Variants in ST7 observed in about 807,000 individuals in gnomAD.
The protein encoded by ST7 is suppressor of tumorigenicity 7 protein.
ST7 carries 28 observed loss-of-function variants against 78.7 expected under a neutral mutation model. The observed-to-expected ratio is 0.36, with a 90% CI of 0.26 to 0.49. ST7 has a LOEUF of 0.49. Among genes scored for constraint, ST7 ranks in the 20% least tolerant of loss-of-function variants. ST7 has a pLI of 0.99. For synonymous variants in ST7, 247 were observed against 249.6 expected (o/e 0.99, Z 0.10); for missense variants, 418 against 696.0 (o/e 0.60, Z 4.49).
At chr7:117,088,180 A>T (rs1052183509) in intron 1 of ST7, among the ~76,000 whole-genome samples, 2 of 152,152 alleles carry the variant, frequency 1.3e-5, no homozygotes, top group African/African-American at 4.8e-5. Flanking sequence ...AGGACATCCC[A>T]TTCATTAACC....
intron 1 of ST7, among the ~76,000 whole-genome samples, chr7:117,024,166 A>G (rs1407100588): frequency 6.6e-6 from 1 of 152,134 alleles, no homozygotes; most frequent in Non-Finnish European, 1.5e-5. Flanking sequence ...AAATTAAACA[A>G]TTTTTCTCTT....
intron 1 of ST7, among the ~76,000 whole-genome samples, chr7:117,073,526 TC>T (rs1799127100): frequency 6.6e-6 from 1 of 152,212 alleles, no homozygotes; most frequent in African/African-American, 2.4e-5. Flanking sequence ...TCTCTGGTAC[TC>T]CTGAAAAGAG....
At chr7:117,089,967 G>A (rs1180142852) in intron 1 of ST7, among the ~76,000 whole-genome samples, 1 of 152,150 alleles carries the variant, frequency 6.6e-6, no homozygotes, top group Non-Finnish European at 1.5e-5. Flanking sequence ...ATTGAAATAT[G>A]TTCTGGCCAT....
rs397970060 is a variant in ST7 at position 117,002,813 on chromosome 7, CTTTTTTTTTT to C, written c.151+49139_151+49148del. 6.8e-3 allele frequency among the ~76,000 whole-genome samples: 492 copies of C among 72,168 alleles called. 2 individuals are homozygous for C. The Middle Eastern group carries it at 0.094, about 14-fold the overall frequency. The allele number at this position is 72,168 out of a possible 152,430, so 47.3% of individuals were successfully genotyped here. A position where few individuals can be genotyped will look rare whatever the true frequency, so the allele number is the denominator to read the frequency against. On this transcript the variant is annotated intron_variant, in intron 1 of 15. Transcript: ENST00000323984. ...AGATGCATCTACTGAATTTTTTTTC[CTTTTTTTTTT>C]TTTTTTTTTTTTTTTTGAGATGGAG...
At chr7:117,101,673 C>T (rs1481035254) in intron 2 of ST7, among the ~76,000 whole-genome samples, 2 of 152,130 alleles carry the variant, frequency 1.3e-5, no homozygotes, top group Non-Finnish European at 2.9e-5. Context: ...ACAGTTCACG[C>T]CAAGGACTGT....
intron 1 of ST7, among the ~76,000 whole-genome samples, chr7:117,092,583 A>G (rs1800718382): frequency 6.6e-6 from 1 of 152,182 alleles, no homozygotes; most frequent in South Asian, 2.1e-4. Flanking sequence ...AGGAAGGAAG[A>G]GAGAAGTTAG....
At chr7:117,211,941 CACAGTATGGCCAGGT>C (rs1002960724) in intron 13 of ST7, among the ~76,000 whole-genome samples, 9 of 152,108 alleles carry the variant, frequency 5.9e-5, no homozygotes, top group African/African-American at 2.2e-4. Flanking sequence ...TCAGGCATAA[CACAGTATGGCCAGGT>C]ACCTATAGGA....
chr7:117,081,666 A>G (rs1335422014), intron 1 of ST7, among the ~76,000 whole-genome samples: 1 of 152,218 alleles, frequency 6.6e-6, no homozygotes, highest in African/African-American at 2.4e-5. Context: ...GTTTTGCCAG[A>G]GTGAATGAGG....
intron 9 of ST7, among the ~76,000 whole-genome samples, chr7:117,143,429 C>T (rs79912864): frequency 3.7e-4 from 57 of 152,236 alleles, no homozygotes; most frequent in Admixed American, 7.2e-4. Flanking sequence ...AATCTCTTTG[C>T]GGGATTTTCC....
chr7:117,107,950 T>C (rs1802114183), intron 2 of ST7, among the ~76,000 whole-genome samples: 1 of 152,118 alleles, frequency 6.6e-6, no homozygotes, highest in Non-Finnish European at 1.5e-5. Context: ...TTTTCTTTCT[T>C]GCTGATTTAT....
chr7:117,122,583 C>T (rs955198055), intron 3 of ST7, among the ~76,000 whole-genome samples: 4 of 152,056 alleles, frequency 2.6e-5, no homozygotes, highest in Admixed American at 6.6e-5. Context: ...TCTATATTTC[C>T]ATTCATTTCT....
chr7:116,959,028 G>A, intron 1 of ST7: 1 of 376,962 alleles, frequency 2.7e-6, no homozygotes, highest in Non-Finnish European at 5.2e-6. Flanking sequence ...TCTGTATCAT[G>A]TGATGCTGTC....
At chr7:117,115,194 A>G (rs1180234106) in intron 2 of ST7, among the ~76,000 whole-genome samples, 2 of 151,962 alleles carry the variant, frequency 1.3e-5, no homozygotes, top group African/African-American at 4.8e-5. Flanking sequence ...CTGCACCTCC[A>G]CTGAGATCAG....
At chr7:117,052,175 C>T (rs75992775) in intron 1 of ST7, among the ~76,000 whole-genome samples, 1 of 152,048 alleles carries the variant, frequency 6.6e-6, no homozygotes, top group Non-Finnish European at 1.5e-5. Context: ...AAAAAAAAAA[C>T]TCCATCACTT....
intron 1 of ST7, among the ~76,000 whole-genome samples, chr7:116,964,980 G>A (rs2116199926): frequency 6.6e-6 from 1 of 152,244 alleles, no homozygotes; most frequent in African/African-American, 2.4e-5. Flanking sequence ...AAGCACAGAA[G>A]TCATGGCAAC....
At chr7:117,166,407 A>G (rs1391673903) in intron 9 of ST7, among the ~76,000 whole-genome samples, 1 of 151,844 alleles carries the variant, frequency 6.6e-6, no homozygotes, top group Non-Finnish European at 1.5e-5. Flanking sequence ...ATAGTTTATT[A>G]TACTTAAATA....
Position 117,138,647 on chromosome 7 carries a change from C to A in ST7, c.963+115C>A, listed in dbSNP as rs543414764. The A allele has an allele frequency of 5.5e-5, 38 of 686,486 alleles. No individual in the cohort carries two copies. In the East Asian group the frequency reaches 8.4e-4, roughly 15 times the overall value. 42.5% of individuals were successfully genotyped at this position (686,486 alleles called of 1,614,324 possible). A position where few individuals can be genotyped will look rare whatever the true frequency, so the allele number is the denominator to read the frequency against. The stretch of plus-strand genomic sequence containing the variant: ...TGGTCCCATGGGTTCTGGAGCCAGA[C>A]TGTGTGGGGTTCAACTCTAGTTCCC... On this transcript the variant is annotated intron_variant, in intron 9 of 15. Transcript: ENST00000323984.
chr7:117,126,905 G>A (rs1803899055), intron 3 of ST7, among the ~76,000 whole-genome samples: 1 of 151,880 alleles, frequency 6.6e-6, no homozygotes, highest in African/African-American at 2.4e-5. Flanking sequence ...AATATTTGCT[G>A]CTGCCCTTTT....
At chr7:117,142,480 T>TG (rs917069498) in intron 9 of ST7, among the ~76,000 whole-genome samples, 22 of 145,296 alleles carry the variant, frequency 1.5e-4, no homozygotes, top group African/African-American at 5.7e-4. Flanking sequence ...TCCCCAGTTG[T>TG]GAAAAAAAAA....
Sources: allele counts gnomAD v4.1 joint callset (sites outside exome capture counted in the v4.1 genomes callset), GRCh38; gene constraint gnomAD v4.1.1; transcripts MANE v1.5; gene names NCBI Gene and HGNC (gene_info 2026-07-23, HGNC 2026-07-21).